APBB2: variants seen among roughly 807,000 people sequenced by gnomAD.
APBB2 encodes the protein Fe65-like 1.
A neutral mutation model predicts 82.5 loss-of-function variants in APBB2; 38 were observed. That is an observed-to-expected ratio of 0.46 (90% CI 0.36 to 0.60). The LOEUF (loss-of-function observed/expected upper bound fraction) is 0.60, where lower values mean the gene tolerates loss of function less well. APBB2 is among the 20% of genes least tolerant of loss of function. The pLI is 0.00. For missense variants in APBB2, 772 were observed against 972.3 expected, an observed-to-expected ratio of 0.79 and a Z score of 2.74; for synonymous variants, 341 against 368.2, an observed-to-expected ratio of 0.93 and a Z score of 0.85.
chr4:40,960,962 A>T (rs1307406808), intron 6 of APBB2, among the ~76,000 whole-genome samples: 2 of 66,240 alleles, frequency 3.0e-5, no homozygotes, highest in Non-Finnish European at 6.5e-5. Context: ...GCCCTCCTTT[A>T]AAAAAAAAAA....
At chr4:40,862,723 G>C (rs1763056010) in intron 12 of APBB2, among the ~76,000 whole-genome samples, 1 of 152,164 alleles carries the variant, frequency 6.6e-6, no homozygotes, top group African/African-American at 2.4e-5. Context: ...GCCAGGCGTG[G>C]TGGCAGGCAC....
chr4:41,118,477 C>T (rs570922316), intron 2 of APBB2, among the ~76,000 whole-genome samples: 40 of 152,136 alleles, frequency 2.6e-4, no homozygotes, highest in Admixed American at 2.5e-3. Context: ...CAACACAAAC[C>T]GTCAAATACC....
At chr4:41,078,529 G>C (rs1212280013) in intron 3 of APBB2, among the ~76,000 whole-genome samples, 2 of 152,162 alleles carry the variant, frequency 1.3e-5, no homozygotes, top group African/African-American at 4.8e-5. Flanking sequence ...TAATCCAATT[G>C]TTAAAATTCA....
At chr4:40,839,293 T>C (rs1331939876) in intron 12 of APBB2, among the ~76,000 whole-genome samples, 2 of 151,862 alleles carry the variant, frequency 1.3e-5, no homozygotes, top group Non-Finnish European at 2.9e-5. Flanking sequence ...CCCTGTAACT[T>C]CTGCTTGTAG....
intron 10 of APBB2, among the ~76,000 whole-genome samples, chr4:40,925,101 T>C (rs1319300899): frequency 1.3e-5 from 2 of 152,188 alleles, no homozygotes; most frequent in Non-Finnish European, 2.9e-5. Context: ...CAACCAGCCA[T>C]GGAATATGCC....
At chr4:40,953,245 G>A (rs576803198) in intron 6 of APBB2, among the ~76,000 whole-genome samples, 6 of 142,548 alleles carry the variant, frequency 4.2e-5, no homozygotes, top group African/African-American at 1.3e-4. Context: ...GCAGTCAGCC[G>A]AGATCACGCC....
At chr4:40,966,669 T>C (rs1794739768) in intron 6 of APBB2, among the ~76,000 whole-genome samples, 1 of 152,210 alleles carries the variant, frequency 6.6e-6, no homozygotes, top group African/African-American at 2.4e-5. Context: ...ATGTGCGTGC[T>C]TGAGGCAGTG....
intron 12 of APBB2, among the ~76,000 whole-genome samples, chr4:40,845,377 G>T (rs748769842): frequency 6.6e-6 from 1 of 151,958 alleles, no homozygotes; most frequent in African/African-American, 2.4e-5. Context: ...CTCCCTTCTC[G>T]CTGTACAAGA....
chr4:40,964,301 A>G (rs1794041346), intron 6 of APBB2, among the ~76,000 whole-genome samples: 1 of 152,168 alleles, frequency 6.6e-6, no homozygotes, highest in Non-Finnish European at 1.5e-5. Flanking sequence ...ACCTACAAGC[A>G]TTGAACTAGT....
At chr4:41,194,648 AGCAAGACCTT>A in intron 1 of APBB2, among the ~76,000 whole-genome samples, 1 of 152,186 alleles carries the variant, frequency 6.6e-6, no homozygotes. Context: ...TTGGTGACAG[AGCAAGACCTT>A]GCCTCAAAAA....
chr4:40,817,622 G>A (rs904987885), intron 17 of APBB2, among the ~76,000 whole-genome samples: 1 of 152,030 alleles, frequency 6.6e-6, no homozygotes, highest in African/African-American at 2.4e-5. Flanking sequence ...AGAGGTCCTA[G>A]AACACCTCCA....
intron 10 of APBB2, among the ~76,000 whole-genome samples, chr4:40,898,321 TG>T (rs1325253882): frequency 2.0e-5 from 3 of 152,226 alleles, no homozygotes; most frequent in African/African-American, 7.2e-5. Context: ...TGGAGTGCAG[TG>T]GCGTGGCGTC....
intron 3 of APBB2, among the ~76,000 whole-genome samples, chr4:41,081,056 A>ACATT (rs2153932167): frequency 6.6e-6 from 1 of 152,278 alleles, no homozygotes; most frequent in South Asian, 2.1e-4. Context: ...CCTTTACCAC[A>ACATT]CATTCTTCTA....
intron 17 of APBB2, among the ~76,000 whole-genome samples, chr4:40,821,298 T>C (rs927956109): frequency 5.3e-5 from 8 of 152,228 alleles, no homozygotes; most frequent in African/African-American, 1.9e-4. Flanking sequence ...TCTGACTTTG[T>C]CACCTGGCAG....
chr4:40,862,540 G>A (rs1387712887), intron 12 of APBB2, among the ~76,000 whole-genome samples: 2 of 152,212 alleles, frequency 1.3e-5, no homozygotes, highest in Non-Finnish European at 2.9e-5. Context: ...ACTATAACGT[G>A]CATCATAACA....
chr4:41,026,846 T>C (rs4398555), intron 5 of APBB2, among the ~76,000 whole-genome samples: 1 of 152,050 alleles, frequency 6.6e-6, no homozygotes, highest in African/African-American at 2.4e-5. Context: ...TAGCTTTTTT[T>C]GATAAACATA....
At chr4:41,192,129 CAA>C (rs1236101168) in intron 1 of APBB2, among the ~76,000 whole-genome samples, 3 of 152,110 alleles carry the variant, frequency 2.0e-5, no homozygotes, top group Non-Finnish European at 4.4e-5. Flanking sequence ...TCAAAAAAGT[CAA>C]GAGATAACAA....
chr4:40,938,166 C>G (rs1785861806), intron 7 of APBB2, among the ~76,000 whole-genome samples: 1 of 152,192 alleles, frequency 6.6e-6, no homozygotes, highest in Non-Finnish European at 1.5e-5. Context: ...GCAGCTAAAG[C>G]CTTGCACAGC....
intron 1 of APBB2, among the ~76,000 whole-genome samples, chr4:41,205,467 C>G (rs527707800): frequency 1.4e-4 from 22 of 152,120 alleles, no homozygotes; most frequent in South Asian, 1.2e-3. Flanking sequence ...GGGAAAAGCT[C>G]ATTAAGGGCA....
Sources: allele counts gnomAD v4.1 joint callset (sites outside exome capture counted in the v4.1 genomes callset), GRCh38; gene constraint gnomAD v4.1.1; transcripts MANE v1.5; gene names NCBI Gene and HGNC (gene_info 2026-07-23, HGNC 2026-07-21).